GLYATL2: variants seen among roughly 807,000 people sequenced by gnomAD.
GLYATL2 encodes the protein glycine-N-acyltransferase like 2.
GLYATL2 carries 25 observed loss-of-function variants against 21.4 expected under a neutral mutation model. The observed-to-expected ratio is 1.17, with a 90% CI of 0.85 to 1.63. The LOEUF is 1.63. Ranked by LOEUF, GLYATL2 falls within the 40% of genes most tolerant of loss-of-function variation. The pLI is 0.00. For missense variants in GLYATL2, 361 were observed against 343.3 expected, an observed-to-expected ratio of 1.05 and a Z score of -0.41; for synonymous variants, 114 against 118.2, an observed-to-expected ratio of 0.96 and a Z score of 0.23.
chr11:58,860,635 G>T (rs1321186945), intron 1 of GLYATL2, among the ~76,000 whole-genome samples: 2 of 151,946 alleles, frequency 1.3e-5, no homozygotes, highest in Non-Finnish European at 2.9e-5. Context: ...TTCCATTAAT[G>T]CATTGAATAG....
At chr11:58,878,940 A>G (rs1439522951) in intron 1 of GLYATL2, among the ~76,000 whole-genome samples, 1 of 152,204 alleles carries the variant, frequency 6.6e-6, no homozygotes, top group African/African-American at 2.4e-5. Context: ...TGAGTTGGGC[A>G]GTACAGGGTG....
In GLYATL2 at chr11:58,835,452, G is replaced by A. The variant is rs557150939; in HGVS notation, c.477-615C>T. Among the ~76,000 whole-genome samples the A allele has an allele frequency of 2.0e-5, 3 of 152,216 alleles. No individual in the cohort carries two copies. In the East Asian group the frequency reaches 5.8e-4, roughly 29 times the overall value. On this transcript the variant is annotated intron_variant, in intron 5 of 5. Coordinates refer to ENST00000287275, the MANE Select transcript of GLYATL2 (RefSeq NM_145016.4). ...AATCCTGATTATTTTCTTTTGGAAAGGTTATGTTCTCTTGTTTACTTGGTT... is the reference window on the plus strand; with the variant it reads ...AATCCTGATTATTTTCTTTTGGAAAAGTTATGTTCTCTTGTTTACTTGGTT...
At chr11:58,875,136 T>G (rs1290779913) in intron 1 of GLYATL2, among the ~76,000 whole-genome samples, 1 of 152,234 alleles carries the variant, frequency 6.6e-6, no homozygotes, top group Non-Finnish European at 1.5e-5. Context: ...GTTTTCCATT[T>G]GCTTGGTAGA....
At chr11:58,886,799 A>G (rs1854449544) in intron 1 of GLYATL2, among the ~76,000 whole-genome samples, 1 of 152,144 alleles carries the variant, frequency 6.6e-6, no homozygotes. Flanking sequence ...ATGTGGGTAT[A>G]GACACTGAGC....
chr11:58,850,493 A>G (rs1853720741), intron 1 of GLYATL2, among the ~76,000 whole-genome samples: 1 of 152,138 alleles, frequency 6.6e-6, no homozygotes, highest in South Asian at 2.1e-4. Flanking sequence ...ATATTATAAT[A>G]ATCTTCACTC....
upstream of GLYATL2, among the ~76,000 whole-genome samples, chr11:58,904,449 T>A (rs972707235): frequency 2.6e-5 from 4 of 152,216 alleles, no homozygotes; most frequent in Non-Finnish European, 5.9e-5. Context: ...AAATTCTCTA[T>A]CTCCAGTGAT....
chr11:58,904,017 C>T (rs1424760518), intron 1 of GLYATL2: 1 of 152,222 alleles, frequency 6.6e-6, no homozygotes, highest in Admixed American at 6.5e-5. Context: ...TTTCTAGTTG[C>T]TCAAGTCAAA....
chr11:58,892,590 T>G (rs899344703), intron 1 of GLYATL2: 7 of 260,676 alleles, frequency 2.7e-5, no homozygotes, highest in African/African-American at 1.4e-4. Context: ...GCATTGATGA[T>G]TAATCATGTG....
chr11:58,881,523 A>C (rs1854333787), intron 1 of GLYATL2, among the ~76,000 whole-genome samples: 1 of 152,218 alleles, frequency 6.6e-6, no homozygotes, highest in South Asian at 2.1e-4. Context: ...GCCCTAAGAA[A>C]CTAAAGAAAA....
chr11:58,889,334 TGC>T (rs1304430148), intron 1 of GLYATL2, among the ~76,000 whole-genome samples: 1 of 152,078 alleles, frequency 6.6e-6, no homozygotes, highest in East Asian at 1.9e-4. Context: ...TACTGTACTC[TGC>T]AAACAAAGTA....
At chr11:58,843,674 T>C (rs1276301846) in intron 1 of GLYATL2, among the ~76,000 whole-genome samples, 2 of 152,010 alleles carry the variant, frequency 1.3e-5, no homozygotes, top group Non-Finnish European at 2.9e-5. Flanking sequence ...GAAAAAGCCA[T>C]GGAAGAAAGT....
intron 1 of GLYATL2, among the ~76,000 whole-genome samples, chr11:58,895,916 C>T (rs1214761222): frequency 6.6e-6 from 1 of 151,452 alleles, no homozygotes; most frequent in Non-Finnish European, 1.5e-5. Context: ...TGCAGTGGCA[C>T]GATCTCGGCT....
chr11:58,846,857 G>A (rs752560063), upstream of GLYATL2, among the ~76,000 whole-genome samples: 1 of 152,122 alleles, frequency 6.6e-6, no homozygotes, highest in African/African-American at 2.4e-5. Flanking sequence ...CACCAGCTGG[G>A]TCAGTCAAAG....
At chr11:58,896,730 G>GTTTGTTTTGT (rs10670699) in intron 1 of GLYATL2, among the ~76,000 whole-genome samples, 10 of 151,708 alleles carry the variant, frequency 6.6e-5, no homozygotes, top group African/African-American at 1.5e-4. Context: ...ACTTAAACGT[G>GTTTGTTTTGT]TTTGTTTTGT....
At chr11:58,899,701 A>G (rs56211664) in intron 1 of GLYATL2, among the ~76,000 whole-genome samples, 2,016 of 152,288 alleles carry the variant, frequency 0.013, 40 homozygotes, top group African/African-American at 0.045. Context: ...ATCACCCAAG[A>G]TGGTCCACTA....
chr11:58,842,632 AAATGAATGAATG>A (rs539083099), intron 1 of GLYATL2, among the ~76,000 whole-genome samples: 3 of 151,964 alleles, frequency 2.0e-5, no homozygotes, highest in Non-Finnish European at 2.9e-5. Flanking sequence ...GCCAGTTGAA[AAATGAATGAATG>A]AATGAATGAA....
In GLYATL2 at chr11:58,837,194, G is replaced by A. The variant is rs755414400; in HGVS notation, c.314-17C>T. 18 of 1,613,146 alleles carry A rather than the reference G, an allele frequency of 1.1e-5. No homozygotes were observed. The African/African-American group carries it at 1.7e-4, about 16-fold the overall frequency. On this transcript the variant is annotated splice_polypyrimidine_tract_variant and intron_variant, in intron 4 of 5. Transcript: ENST00000287275. The stretch of plus-strand genomic sequence containing the variant: ...CTTGGCAACCTGGAGAAAGGAGAAA[G>A]ACAAGTACCACTTTATGCCTTCCAT...
At chr11:58,907,236 T>C (rs759093084), upstream of GLYATL2, 3 of 456,312 alleles carry the variant, frequency 6.6e-6, no homozygotes, top group South Asian at 4.6e-5. Context: ...TCTCTGCCTC[T>C]GCAGGTCACC....
chr11:58,898,554 G>A (rs1854673658), intron 1 of GLYATL2, among the ~76,000 whole-genome samples: 2 of 151,144 alleles, frequency 1.3e-5, no homozygotes, highest in Admixed American at 1.3e-4. Flanking sequence ...CTTTCTCTAG[G>A]CCGGGTGCAG....
Sources: gnomAD v4.1 joint callset for allele counts (sites outside exome capture counted in the v4.1 genomes callset) on GRCh38, gnomAD v4.1.1 for gene constraint, MANE v1.5 for transcripts, NCBI Gene and HGNC (gene_info 2026-07-23, HGNC 2026-07-21) for gene names.